SOX6: variants seen among roughly 807,000 people sequenced by gnomAD.
The protein encoded by SOX6 is SRY-box transcription factor 6, also known as transcription factor SOX-6.
A neutral mutation model predicts 97.8 loss-of-function variants in SOX6; 11 were observed. That is an observed-to-expected ratio of 0.11 (90% CI 0.07 to 0.19). The LOEUF (loss-of-function observed/expected upper bound fraction) is 0.19. Ranked by LOEUF, SOX6 falls within the 10% of genes least tolerant of loss-of-function variation. The pLI is 1.00. For synonymous variants in SOX6, 360 were observed against 371.4 expected, an observed-to-expected ratio of 0.97 and a Z score of 0.35; for missense variants, 810 against 1,039.5, an observed-to-expected ratio of 0.78 and a Z score of 3.04.
chr11:16,410,065 C>T (rs531934875), intron 1 of SOX6, among the ~76,000 whole-genome samples: 1 of 151,998 alleles, frequency 6.6e-6, no homozygotes, highest in African/African-American at 2.4e-5. Context: ...TGCAATTAGG[C>T]AGGAGGAACA....
At chr11:16,229,971 G>C (rs1466824263) in intron 4 of SOX6, among the ~76,000 whole-genome samples, 1 of 151,724 alleles carries the variant, frequency 6.6e-6, no homozygotes. Context: ...TATAATTACA[G>C]TTGTAAAAAT....
chr11:16,687,445 A>C (rs1237050179), intron 3 of SOX6, among the ~76,000 whole-genome samples: 2 of 152,056 alleles, frequency 1.3e-5, no homozygotes, highest in Non-Finnish European at 2.9e-5. Context: ...CTCCTTAACT[A>C]ATTTTTGCAT....
At chr11:16,174,999 A>C (rs1441295873) in intron 6 of SOX6, among the ~76,000 whole-genome samples, 1 of 151,972 alleles carries the variant, frequency 6.6e-6, no homozygotes, top group African/African-American at 2.4e-5. Context: ...AGTGCCTGAC[A>C]AACCTTACTC....
At chr11:16,498,514 A>G (rs1193936734) in intron 4 of SOX6, among the ~76,000 whole-genome samples, 4 of 152,224 alleles carry the variant, frequency 2.6e-5, no homozygotes, top group African/African-American at 9.6e-5. Flanking sequence ...ACAGACTGGC[A>G]AATTGGATAA....
chr11:16,209,221 C>T (rs946769771), intron 4 of SOX6, among the ~76,000 whole-genome samples: 4 of 152,070 alleles, frequency 2.6e-5, no homozygotes, highest in African/African-American at 9.7e-5. Flanking sequence ...AATTTTTTCT[C>T]AGTTTTAATT....
At chr11:16,669,143 C>T (rs915028782) in intron 3 of SOX6, among the ~76,000 whole-genome samples, 1 of 152,018 alleles carries the variant, frequency 6.6e-6, no homozygotes, top group Non-Finnish European at 1.5e-5. Flanking sequence ...TATGTTAGGC[C>T]ACAAAACAAG....
At chr11:16,293,570 T>G (rs1481022692) in intron 3 of SOX6, among the ~76,000 whole-genome samples, 9 of 152,018 alleles carry the variant, frequency 5.9e-5, no homozygotes, top group Non-Finnish European at 2.9e-5. Flanking sequence ...CAAATCACCT[T>G]CCCATCTAAA....
intron 1 of SOX6, among the ~76,000 whole-genome samples, chr11:16,373,508 T>C (rs986973169): frequency 2.6e-5 from 4 of 152,062 alleles, no homozygotes; most frequent in African/African-American, 7.2e-5. Flanking sequence ...GTTCTTATCA[T>C]CTGTAACATC....
At chr11:16,021,562 T>A (rs1855060370) in intron 12 of SOX6, among the ~76,000 whole-genome samples, 1 of 152,156 alleles carries the variant, frequency 6.6e-6, no homozygotes, top group Admixed American at 6.6e-5. Flanking sequence ...GGTATAGGAC[T>A]TACTTTCCTA....
At chr11:16,681,401 T>C (rs920895911) in intron 3 of SOX6, among the ~76,000 whole-genome samples, 1 of 152,178 alleles carries the variant, frequency 6.6e-6, no homozygotes, top group Non-Finnish European at 1.5e-5. Context: ...AAGATGTTCT[T>C]TGAAACGAAT....
In SOX6 at chr11:16,097,630, T is replaced by C. The variant is rs1590194316; in HGVS notation, c.957A>G (p.Gly319=). 1.9e-6 allele frequency: 3 copies of C among 1,611,116 alleles called. No individual in the cohort carries two copies. Among genetic ancestry groups the C allele is most frequent in the South Asian group, 2.2e-5 (2 of 91,054 alleles). The change falls in exon 8 of 16, where the codon GGA becomes GGG. Residue 319 remains glycine, a synonymous_variant. Coordinates refer to ENST00000683767, the MANE Select transcript of SOX6 (RefSeq NM_001367873.1). ...PSTMAAAAAS[G]LSPLQLQKGH... is the part of the protein sequence containing the mutation. ...TTACCTGGAGCTGTAAAGGGCTGAG[T>C]CCAGAAGCAGCAGCAGCTGCCATTG...
chr11:16,080,126 AT>A (rs1173032764), intron 9 of SOX6, among the ~76,000 whole-genome samples: 1 of 151,516 alleles, frequency 6.6e-6, no homozygotes, highest in Non-Finnish European at 1.5e-5. Context: ...CAAAAAAAAA[AT>A]AAGGCGATAG....
Position 16,605,170 on chromosome 11 carries a change from C to A in SOX6, n.609+6911G>T, listed in dbSNP as rs528591324. On this transcript the variant is annotated intron_variant and non_coding_transcript_variant, in intron 4 of 5. Coordinates refer to the SOX6 transcript ENST00000524520. This position sits in a 1 kb window ranked among gnomAD's most constrained non-coding sequence, Gnocchi z 5.3. ...GACCGCGGCCCCGGCTGCAGAGGAA[C>A]GGCGGGTGGCGGGGCCCCGGCAGGG... Among the ~76,000 whole-genome samples, 1,692 of 152,000 alleles carry A rather than the reference C, an allele frequency of 0.011. 24 individuals are homozygous for A. The highest frequency in any genetic ancestry group is 0.039 in the African/African-American group (1,601 of 41,506).
At chr11:16,305,792 C>A (rs957788558) in intron 3 of SOX6, among the ~76,000 whole-genome samples, 8 of 151,648 alleles carry the variant, frequency 5.3e-5, no homozygotes, top group African/African-American at 1.9e-4. Flanking sequence ...GGATGAATCT[C>A]CAGGGAAGTA....
intron 2 of SOX6, among the ~76,000 whole-genome samples, chr11:16,730,465 G>A (rs549789105): frequency 2.2e-4 from 33 of 152,184 alleles, no homozygotes; most frequent in African/African-American, 7.7e-4. Flanking sequence ...ACAACTACAT[G>A]GAAACTGAAC....
intron 13 of SOX6, among the ~76,000 whole-genome samples, chr11:15,992,644 A>G (rs73417039): frequency 0.021 from 3,272 of 152,276 alleles, 117 homozygotes; most frequent in African/African-American, 0.074. Context: ...AAGGGAGTCT[A>G]TCCTTCCCTA....
At chr11:15,994,104 TG>T (rs1854150762) in intron 13 of SOX6, among the ~76,000 whole-genome samples, 2 of 152,204 alleles carry the variant, frequency 1.3e-5, no homozygotes, top group African/African-American at 4.8e-5. Flanking sequence ...ATGTGCACTT[TG>T]TTTTTAAGGA....
At chr11:16,429,051 T>C (rs1412459771) in intron 1 of SOX6, among the ~76,000 whole-genome samples, 1 of 152,114 alleles carries the variant, frequency 6.6e-6, no homozygotes, top group African/African-American at 2.4e-5. Flanking sequence ...AAGACATAAA[T>C]GCAGCCAACA....
intron 3 of SOX6, among the ~76,000 whole-genome samples, chr11:16,640,114 T>C (rs1229820003): frequency 6.6e-6 from 1 of 152,170 alleles, no homozygotes; most frequent in African/African-American, 2.4e-5. Context: ...GAGTTTTTAG[T>C]ATGAAGGGCT....
Sources: allele counts gnomAD v4.1 joint callset (sites outside exome capture counted in the v4.1 genomes callset), GRCh38; gene constraint gnomAD v4.1.1; non-coding constraint Gnocchi (gnomAD v3.1); transcripts MANE v1.5; gene names NCBI Gene and HGNC (gene_info 2026-07-23, HGNC 2026-07-21).